The following SLC2A9 variants were observed in gnomAD, a reference collection of about 807,000 sequenced individuals.
SLC2A9 encodes solute carrier family 2 member 9, also known as solute carrier family 2, facilitated glucose transporter member 9.
A neutral mutation model predicts 50.6 loss-of-function variants in SLC2A9; 39 were observed. That is an observed-to-expected ratio of 0.77 (90% confidence interval 0.60 to 1.01). The LOEUF (loss-of-function observed/expected upper bound fraction) is 1.01. SLC2A9 is among the 50% of genes least tolerant of loss of function. The probability of loss-of-function intolerance (pLI) is 0.00; values close to 1 mark genes in which losing one functional copy is unlikely to be tolerated. For synonymous variants in SLC2A9, 324 were observed against 276.9 expected, an observed-to-expected ratio of 1.17 and a Z score of -1.69; for missense variants, 686 against 677.6, an observed-to-expected ratio of 1.01 and a Z score of -0.14.
chr4:9,830,078 G>A (rs1175190089), intron 11 of SLC2A9, among the ~76,000 whole-genome samples: 1 of 152,206 alleles, frequency 6.6e-6, no homozygotes, highest in African/African-American at 2.4e-5. Flanking sequence ...ATTTATTGCA[G>A]CACTATTCAC....
chr4:9,937,238 G>A (rs936268410), intron 6 of SLC2A9, among the ~76,000 whole-genome samples: 1 of 152,192 alleles, frequency 6.6e-6, no homozygotes, highest in African/African-American at 2.4e-5. Flanking sequence ...CAATTTCTAG[G>A]AACGACTTCG....
At chr4:9,920,325 C>A in intron 7 of SLC2A9, 60 bp downstream of exon 7, 1 of 1,593,476 alleles carries the variant, frequency 6.3e-7, no homozygotes, top group South Asian at 1.1e-5. Context: ...AAGCCCTGAA[C>A]CTCCCCACCC....
intron 8 of SLC2A9, among the ~76,000 whole-genome samples, chr4:9,900,197 A>G (rs967548909): frequency 6.6e-6 from 1 of 152,136 alleles, no homozygotes; most frequent in African/African-American, 2.4e-5. Flanking sequence ...CTTAGAACTG[A>G]CACAAGGGGA....
chr4:9,844,318 G>T (rs77895782), intron 10 of SLC2A9, among the ~76,000 whole-genome samples: 4,209 of 151,434 alleles, frequency 0.028, 70 homozygotes, highest in Middle Eastern at 0.041. Flanking sequence ...CTCCCTTCTT[G>T]CCAGGAAAAT....
At chr4:9,792,163 C>CTTTTTTTTTTTTTTTTTTTTT (rs34289788) in intron 3 of SLC2A9, among the ~76,000 whole-genome samples, 1 of 77,226 alleles carries the variant, frequency 1.3e-5, no homozygotes, top group Non-Finnish European at 2.4e-5. Flanking sequence ...TTCTATGTTT[C>CTTTTTTTTTTTTTTTTTTTTT]TTTTTTTTTT....
intron 5 of SLC2A9, among the ~76,000 whole-genome samples, chr4:9,943,008 G>C (rs1447263542): frequency 1.3e-5 from 2 of 152,174 alleles, no homozygotes; most frequent in African/African-American, 4.8e-5. Flanking sequence ...GTTGGCTTCA[G>C]GTGGGGCCCA....
chr4:9,782,700 C>T (rs1328451014), intron 3 of SLC2A9: 2 of 1,613,920 alleles, frequency 1.2e-6, no homozygotes, highest in African/African-American at 2.7e-5. Flanking sequence ...CTGAATCGAA[C>T]CTACGCCATC....
chr4:10,004,521 C>T (rs1336835891), intron 2 of SLC2A9, among the ~76,000 whole-genome samples: 1 of 152,156 alleles, frequency 6.6e-6, no homozygotes, highest in Non-Finnish European at 1.5e-5. Flanking sequence ...GCAGAGGACT[C>T]CAAAGTCCTA....
At chr4:9,997,110 C>G (rs1560460318) in intron 2 of SLC2A9, among the ~76,000 whole-genome samples, 169 bp from the exon 3 acceptor site, 1 of 152,182 alleles carries the variant, frequency 6.6e-6, no homozygotes, top group East Asian at 1.9e-4. Context: ...TTGGGAAGAG[C>G]AGAAGATGTT....
At chr4:9,922,939 CCTAACTGCCA>C (rs1232381888) in intron 6 of SLC2A9, 1 of 152,506 alleles carries the variant, frequency 6.6e-6, no homozygotes, top group African/African-American at 2.4e-5. Flanking sequence ...CTTCTATTTC[CCTAACTGCCA>C]GGTAAGTCCG....
chr4:9,879,065 CTG>C, intron 10 of SLC2A9: 1 of 982,418 alleles, frequency 1.0e-6, no homozygotes, highest in Non-Finnish European at 1.2e-6. Context: ...CACTGTCAGG[CTG>C]TGTGTTTGGA....
chr4:9,809,456 T>C (rs1322087515), intron 3 of SLC2A9, among the ~76,000 whole-genome samples: 1 of 152,186 alleles, frequency 6.6e-6, no homozygotes, highest in Non-Finnish European at 1.5e-5. Context: ...ACAGGGCGCC[T>C]GACTCTAGTC....
At chr4:9,820,025 G>T (rs1724189011) in intron 3 of SLC2A9, among the ~76,000 whole-genome samples, 1 of 152,168 alleles carries the variant, frequency 6.6e-6, no homozygotes, top group South Asian at 2.1e-4. Flanking sequence ...TTTCTTTTAT[G>T]GATTGTGTTT....
chr4:9,814,543 G>T (rs1723317316), intron 3 of SLC2A9, among the ~76,000 whole-genome samples: 1 of 152,144 alleles, frequency 6.6e-6, no homozygotes, highest in African/African-American at 2.4e-5. Context: ...TTTATTATTT[G>T]TCATGGTTCT....
chr4:9,969,020 G>A (rs1177650776), intron 5 of SLC2A9, among the ~76,000 whole-genome samples: 1 of 151,934 alleles, frequency 6.6e-6, no homozygotes, highest in Non-Finnish European at 1.5e-5. Flanking sequence ...CATCTTTGAT[G>A]GACTTCCCCA....
At chr4:9,936,228 A>C (rs10017945) in intron 6 of SLC2A9, among the ~76,000 whole-genome samples, 2 of 152,158 alleles carry the variant, frequency 1.3e-5, no homozygotes, top group East Asian at 3.9e-4. Flanking sequence ...AACAGGATTC[A>C]TGCCTTTATA....
chr4:9,871,941 G>A (rs1198951172), intron 10 of SLC2A9, among the ~76,000 whole-genome samples: 2 of 152,176 alleles, frequency 1.3e-5, no homozygotes, highest in African/African-American at 4.8e-5. Flanking sequence ...CAATTCTGGA[G>A]GCTTCCATGC....
intron 11 of SLC2A9, among the ~76,000 whole-genome samples, chr4:9,828,474 A>T (rs917467649): frequency 6.6e-6 from 1 of 152,320 alleles, no homozygotes; most frequent in Admixed American, 6.5e-5. Flanking sequence ...CCTGCAGGAA[A>T]GCCAAAGTCC....
intron 5 of SLC2A9, among the ~76,000 whole-genome samples, chr4:9,943,883 C>A (rs1748640928): frequency 6.6e-6 from 1 of 152,166 alleles, no homozygotes; most frequent in Non-Finnish European, 1.5e-5. Flanking sequence ...CCATGGCTGT[C>A]TCCTTCCACC....
Sources: gnomAD v4.1 joint callset for allele counts (sites outside exome capture counted in the v4.1 genomes callset) on GRCh38, gnomAD v4.1.1 for gene constraint, MANE v1.5 for transcripts, NCBI Gene and HGNC (gene_info 2026-07-23, HGNC 2026-07-21) for gene names.